The following LRRIQ1 variants were observed in gnomAD, a reference collection of about 807,000 sequenced individuals.
LRRIQ1 encodes leucine-rich repeat- and IQ domain-containing protein 1.
LRRIQ1 carries 210 observed loss-of-function variants against 211.9 expected under a neutral mutation model. That is an observed-to-expected ratio of 0.99 (90% confidence interval 0.89 to 1.11). The LOEUF is 1.11. LRRIQ1 is among the 50% of genes most tolerant of loss of function. LRRIQ1 has a pLI of 0.00. For missense variants in LRRIQ1, 2,136 were observed against 1,939.5 expected (o/e 1.10, Z -1.90); for synonymous variants, 699 against 650.1 (o/e 1.08, Z -1.14).
Position 85,098,458 on chromosome 12 carries a change from T to C in LRRIQ1, c.2991T>C (p.Asp997=), listed in dbSNP as rs1229193799. ...LCDTPTIVYL[D]CSHNHLTDVE... ...ATACACCTACCATTGTATACCTAGATTGCTCCCATAATCATCTTACTGATG... is the reference window on the plus strand; with the variant it reads ...ATACACCTACCATTGTATACCTAGACTGCTCCCATAATCATCTTACTGATG... The change falls in exon 12 of 27, where the codon GAT becomes GAC. Residue 997 remains aspartate (D), a synonymous_variant. Transcript: ENST00000393217. 1.9e-6 allele frequency: 3 copies of C among 1,611,878 alleles called. No homozygotes were observed. The highest frequency in any genetic ancestry group is 1.7e-6 in the Non-Finnish European group (2 of 1,178,828).
intron 11 of LRRIQ1, among the ~76,000 whole-genome samples, chr12:85,091,625 A>C (rs546271578): frequency 6.6e-6 from 1 of 152,012 alleles, no homozygotes; most frequent in South Asian, 2.1e-4. Flanking sequence ...CTGGATTTTT[A>C]TAGTTTTAGA....
intron 26 of LRRIQ1, among the ~76,000 whole-genome samples, chr12:85,243,010 A>G (rs1408115220): frequency 6.6e-6 from 1 of 151,688 alleles, no homozygotes; most frequent in Non-Finnish European, 1.5e-5. Context: ...TACTTTCTAA[A>G]TAGGTGTAGT....
At chr12:85,233,924 G>T (rs1310239649) in intron 26 of LRRIQ1, among the ~76,000 whole-genome samples, 1 of 152,080 alleles carries the variant, frequency 6.6e-6, no homozygotes, top group East Asian at 1.9e-4. Context: ...AGGAATGCAA[G>T]GATAAAGAAG....
At position 85,114,516 on chromosome 12, in the gene LRRIQ1, CTTATT is replaced by C. The variant is rs559525380; in HGVS notation, c.3378-7175_3378-7171del. ...ATTTTGTTTGCATGAAGCATGAACA[CTTATT>C]TTATTGACTAAAACATACTTGTGGG... On this transcript the variant is annotated intron_variant, in intron 15 of 26. Coordinates refer to ENST00000393217, the MANE Select transcript of LRRIQ1 (RefSeq NM_001079910.2). 2.4e-3 allele frequency among the ~76,000 whole-genome samples: 361 copies of C among 152,066 alleles called. 2 individuals are homozygous for C. Among genetic ancestry groups the C allele is most frequent in the African/African-American group, 8.1e-3 (334 of 41,480 alleles).
At chr12:85,102,957 A>ATATATATATATATATATAT (rs1383729830) in intron 13 of LRRIQ1, among the ~76,000 whole-genome samples, 5 of 117,374 alleles carry the variant, frequency 4.3e-5, no homozygotes, top group African/African-American at 1.4e-4. Flanking sequence ...AAAAAAAAAA[A>ATATATATATATATATATAT]AAATATATAT....
chr12:85,174,701 CAAAAA>C (rs71076115), intron 24 of LRRIQ1, among the ~76,000 whole-genome samples: 11 of 21,612 alleles, frequency 5.1e-4, no homozygotes, highest in Admixed American at 2.0e-3. Flanking sequence ...GAGTACAGCT[CAAAAA>C]AAAAAAAAAA....
chr12:85,232,058 G>A (rs1258332246), intron 25 of LRRIQ1, among the ~76,000 whole-genome samples: 1 of 152,038 alleles, frequency 6.6e-6, no homozygotes, highest in Non-Finnish European at 1.5e-5. Flanking sequence ...AATGTTTCAT[G>A]ATGAAATTTT....
chr12:85,065,271 G>C lies in LRRIQ1; in HGVS notation c.2401G>C (p.Val801Leu). Reference protein sequence around the residue: ...PWDTLQQVTTVTFQDLPGCVL... With the variant: ...PWDTLQQVTTLTFQDLPGCVL... The stretch of plus-strand genomic sequence containing the variant: ...TTCTTGGTTCCTCTAGGTTACAACA[G>C]TTACATTTCAAGATTTGCCAGGCTG... The change falls in exon 9 of 27, where the codon GTT becomes CTT. Residue 801 changes from valine (V) to leucine (L), a missense_variant. By Grantham distance (32) the Val-to-Leu change is conservative. Coordinates refer to ENST00000393217, the MANE Select transcript of LRRIQ1 (RefSeq NM_001079910.2). 6.2e-7 allele frequency: 1 copy of C among 1,607,384 alleles called. No individual in the cohort carries two copies. The highest frequency in any genetic ancestry group is 1.3e-5 in the African/African-American group (1 of 74,490).
At chr12:85,205,568 A>G (rs907073894) in intron 24 of LRRIQ1, among the ~76,000 whole-genome samples, 2 of 151,904 alleles carry the variant, frequency 1.3e-5, no homozygotes, top group Admixed American at 6.6e-5. Context: ...TCTGATGACT[A>G]TGTGTCTTGG....
chr12:85,038,127 A>T, intron 1 of LRRIQ1, 26 bp from the exon 2 acceptor site: 1 of 1,386,404 alleles, frequency 7.2e-7, no homozygotes. Flanking sequence ...TTAGTGACAT[A>T]TTAGCCTCTT....
intron 24 of LRRIQ1, among the ~76,000 whole-genome samples, chr12:85,226,206 T>C (rs1037753409): frequency 1.4e-4 from 21 of 152,186 alleles, no homozygotes; most frequent in African/African-American, 4.3e-4. Flanking sequence ...AAGTGACCAT[T>C]GCAAGTATAT....
intron 19 of LRRIQ1, among the ~76,000 whole-genome samples, chr12:85,144,467 G>A (rs1257842624): frequency 6.6e-6 from 1 of 151,528 alleles, no homozygotes; most frequent in Non-Finnish European, 1.5e-5. Flanking sequence ...ATCAAGAAAG[G>A]CCTGTGTAAG....
downstream of LRRIQ1, among the ~76,000 whole-genome samples, chr12:85,246,190 T>C (rs1052167785): frequency 6.6e-5 from 10 of 151,240 alleles, no homozygotes; most frequent in African/African-American, 1.9e-4. Flanking sequence ...TACATGATTA[T>C]AGAATCTGGT....
At chr12:85,072,235 AT>A (rs35748486) in intron 10 of LRRIQ1, among the ~76,000 whole-genome samples, 18 of 151,388 alleles carry the variant, frequency 1.2e-4, no homozygotes, top group East Asian at 5.8e-4. Context: ...TAGAAAGGTC[AT>A]TTTTTTTGGT....
At chr12:85,189,534 A>G (rs1892387008) in intron 24 of LRRIQ1, among the ~76,000 whole-genome samples, 1 of 152,078 alleles carries the variant, frequency 6.6e-6, no homozygotes, top group Admixed American at 6.6e-5. Flanking sequence ...TAACAAAATT[A>G]CATCGATTAT....
At chr12:85,202,029 T>C (rs1204185406) in intron 24 of LRRIQ1, among the ~76,000 whole-genome samples, 1 of 152,198 alleles carries the variant, frequency 6.6e-6, no homozygotes, top group Non-Finnish European at 1.5e-5. Context: ...ATTTCTGCCT[T>C]AATTTTATTA....
At chr12:85,128,348 C>A (rs774798075) in intron 18 of LRRIQ1, among the ~76,000 whole-genome samples, 20 of 152,176 alleles carry the variant, frequency 1.3e-4, no homozygotes, top group Non-Finnish European at 7.3e-5. Flanking sequence ...GCCTGTAATA[C>A]CAGCACTTTG....
chr12:85,098,589 ACTTTT>A (rs1886101025), intron 12 of LRRIQ1, 41 bp downstream of exon 12: 3 of 1,480,542 alleles, frequency 2.0e-6, no homozygotes, highest in Non-Finnish European at 2.8e-6. Flanking sequence ...ATAAAGCAAC[ACTTTT>A]CTTTTGATAG....
At chr12:85,139,650 A>G (rs890017652) in intron 19 of LRRIQ1, among the ~76,000 whole-genome samples, 2 of 151,452 alleles carry the variant, frequency 1.3e-5, no homozygotes, top group Non-Finnish European at 3.0e-5. Flanking sequence ...ATAATGAATT[A>G]TGAATTTGTG....
Sources: gnomAD v4.1 joint callset for allele counts (sites outside exome capture counted in the v4.1 genomes callset) on GRCh38, gnomAD v4.1.1 for gene constraint, MANE v1.5 for transcripts, NCBI Gene and HGNC (gene_info 2026-07-23, HGNC 2026-07-21) for gene names.